Variants in SECISBP2 observed in about 807,000 individuals in gnomAD.
SECISBP2 encodes the protein SECIS binding protein 2, also known as selenocysteine insertion sequence-binding protein 2.
SECISBP2 carries 96 observed loss-of-function variants against 98.2 expected under a neutral mutation model. The ratio of observed to expected loss-of-function variants is 0.98; its 90% CI spans 0.83 to 1.16. The LOEUF is 1.16. SECISBP2 is among the 50% of genes most tolerant of loss of function. The probability of loss-of-function intolerance (pLI) is 0.00; values close to 1 mark genes in which losing one functional copy is unlikely to be tolerated. For synonymous variants in SECISBP2, 407 were observed against 370.2 expected (o/e 1.10, Z -1.14); for missense variants, 1,046 against 1,022.9 (o/e 1.02, Z -0.31).
At chr9:89,334,831 T>G in intron 7 of SECISBP2, 101 bp downstream of exon 7, 2 of 896,894 alleles carry the variant, frequency 2.2e-6, no homozygotes, top group South Asian at 2.7e-5. Context: ...GTTTCAGTTT[T>G]GCTAGGGGAA....
At chr9:89,322,440 T>G (rs1825969434) in intron 2 of SECISBP2, 1 of 152,234 alleles carries the variant, frequency 6.6e-6, no homozygotes, top group Non-Finnish European at 1.5e-5. Flanking sequence ...CTTTCATAGT[T>G]ACTACAATCC....
Position 89,347,166 on chromosome 9 carries a change from G to A in SECISBP2, c.1602+118G>A, listed in dbSNP as rs1830540086. 4.9e-6 allele frequency: 5 copies of A among 1,018,446 alleles called. No individual in the cohort carries two copies. In the Admixed American group the frequency reaches 6.0e-5, roughly 12 times the overall value. The allele number at this position is 1,018,446 out of a possible 1,614,324, so 63.1% of individuals were successfully genotyped here. On this transcript the variant is annotated intron_variant, in intron 11 of 16. Transcript: ENST00000375807. ...ACGACTTGTATTACTTGAATATGTTGTAGTAAAACGTGTTAATGATACTCC... is the reference window on the plus strand; with the variant it reads ...ACGACTTGTATTACTTGAATATGTTATAGTAAAACGTGTTAATGATACTCC...
At chr9:89,354,656 G>T in intron 14 of SECISBP2, 1 of 335,512 alleles carries the variant, frequency 3.0e-6, no homozygotes, top group Non-Finnish European at 4.2e-6. Flanking sequence ...AGTTAAGGTG[G>T]TGGGAACCCT....
intron 12 of SECISBP2, among the ~76,000 whole-genome samples, 190 bp from the exon 13 acceptor site, chr9:89,349,586 A>G (rs1275387849): frequency 1.3e-5 from 2 of 152,262 alleles, no homozygotes; most frequent in Non-Finnish European, 2.9e-5. Flanking sequence ...TGCCTCCACC[A>G]GCTTTTCTGT....
chr9:89,361,625 C>T (rs1450694343), downstream of SECISBP2: 1 of 152,196 alleles, frequency 6.6e-6, no homozygotes, highest in African/African-American at 2.4e-5. Context: ...TTTAATATGG[C>T]ACCAGGAGAT....
chr9:89,359,707 T>C (rs1349881021), downstream of SECISBP2: 4 of 152,160 alleles, frequency 2.6e-5, no homozygotes, highest in South Asian at 2.1e-4. Context: ...ATGATTCCTA[T>C]GTCTTAATTT....
intron 10 of SECISBP2, among the ~76,000 whole-genome samples, chr9:89,346,301 T>C (rs1433465103): frequency 6.6e-6 from 1 of 152,238 alleles, no homozygotes; most frequent in Non-Finnish European, 1.5e-5. Flanking sequence ...CACAATAATT[T>C]ACTGACTATG....
intron 7 of SECISBP2, among the ~76,000 whole-genome samples, chr9:89,337,529 G>GT (rs987096648): frequency 1.3e-5 from 2 of 152,020 alleles, no homozygotes; most frequent in Non-Finnish European, 2.9e-5. Flanking sequence ...GGGTTTCTCT[G>GT]TTTTTTTGTT....
intron 14 of SECISBP2, among the ~76,000 whole-genome samples, chr9:89,353,489 G>A (rs1368207454): frequency 6.6e-6 from 1 of 152,148 alleles, no homozygotes; most frequent in African/African-American, 2.4e-5. Flanking sequence ...CTGAGGGGCT[G>A]GACACCGAGT....
At chr9:89,357,281 T>A in intron 14 of SECISBP2, 130 bp from the exon 15 acceptor site, 2 of 981,572 alleles carry the variant, frequency 2.0e-6, no homozygotes, top group Non-Finnish European at 3.2e-6. Flanking sequence ...CCTTGTATTT[T>A]CAGGGGCGTC....
chr9:89,325,732 A>G, intron 3 of SECISBP2, 56 bp downstream of exon 3: 1 of 1,610,720 alleles, frequency 6.2e-7, no homozygotes, highest in Non-Finnish European at 8.5e-7. Flanking sequence ...AATGTTTAAA[A>G]TGTAAAGAAA....
rs1234503784 is a variant in SECISBP2, at chr9:89,334,532, G to A, written c.891G>A (p.Trp297Ter). The A allele has an allele frequency of 6.2e-7, 1 of 1,614,060 alleles. No individual in the cohort carries two copies. ...GTTATCTTTGAGCAGAGTTATCTTG[G>A]ACACCAATGGGTTATGTTGTTCGAC... ...NSPSCTRELSWTPMGYVVRQT... is the reference protein window; with the variant it reads ...NSPSCTRELS The change falls in exon 7 of 17, where the codon TGG becomes TGA. Residue 297 changes from tryptophan (W) to a stop codon, truncating the protein, a stop_gained. Transcript: ENST00000375807. LOFTEE classifies it high-confidence loss of function.
chr9:89,332,846 A>T, intron 5 of SECISBP2, 62 bp from the exon 6 acceptor site: 1 of 1,264,752 alleles, frequency 7.9e-7, no homozygotes, highest in East Asian at 2.3e-5. Context: ...TTTGATATGT[A>T]GTGTTATCTC....
intron 7 of SECISBP2, among the ~76,000 whole-genome samples, chr9:89,335,624 C>G (rs769032822): frequency 6.6e-6 from 1 of 152,180 alleles, no homozygotes; most frequent in Admixed American, 6.5e-5. Flanking sequence ...AGCCACCGTG[C>G]CTGGCCAGGA....
chr9:89,348,231 G>T lies in SECISBP2; in HGVS notation c.1738+17G>T, dbSNP rs752797407. 6.2e-7 allele frequency: 1 copy of T among 1,613,854 alleles called. No homozygotes were observed. The highest frequency in any genetic ancestry group is 8.5e-7 in the Non-Finnish European group (1 of 1,179,942). On this transcript the variant is annotated intron_variant, in intron 12 of 16. Transcript: ENST00000375807. ...AGCTGTCAGGTACCAACTTCTCTTT[G>T]TGCCTTAAGAATAATTTAAACGAGA...
Position 89,339,922 on chromosome 9 carries a change from C to T in SECISBP2, c.1271C>T (p.Thr424Ile). ...TCTGAAAGAAGAGACAGAATAGAGA[C>T]ACCGAAATTTCAATCTAAGCAGCAG... ...VASERRDRIE[T>I]PKFQSKQQPQ... Residue 424 changes from threonine (T) to isoleucine (I), a missense_variant, in exon 9 of 17, where the codon ACA (threonine) becomes ATA (isoleucine). By Grantham distance (89) the Thr-to-Ile change is moderately conservative. Transcript: ENST00000375807. 1 of 1,613,584 alleles carries T rather than the reference C, an allele frequency of 6.2e-7. No homozygotes were observed.
intron 5 of SECISBP2, among the ~76,000 whole-genome samples, chr9:89,331,080 A>AAT (rs1429971225): frequency 6.6e-6 from 1 of 152,224 alleles, no homozygotes; most frequent in African/African-American, 2.4e-5. Context: ...AATGACAAAA[A>AAT]ATATATATAT....
intron 10 of SECISBP2, among the ~76,000 whole-genome samples, chr9:89,342,683 T>C (rs1241194938): frequency 6.6e-6 from 1 of 152,150 alleles, no homozygotes; most frequent in East Asian, 1.9e-4. Flanking sequence ...ACACAACTAC[T>C]GTGTGATTCC....
At chr9:89,334,972 T>G (rs997550887) in intron 7 of SECISBP2, among the ~76,000 whole-genome samples, 1 of 152,196 alleles carries the variant, frequency 6.6e-6, no homozygotes, top group Non-Finnish European at 1.5e-5. Context: ...CCCAGCACTT[T>G]GGGAGGCCAA....
Sources: allele counts gnomAD v4.1 joint callset (sites outside exome capture counted in the v4.1 genomes callset), GRCh38; gene constraint gnomAD v4.1.1; transcripts MANE v1.5; gene names NCBI Gene and HGNC (gene_info 2026-07-23, HGNC 2026-07-21).